Variants in SYNE1 observed in about 807,000 individuals in gnomAD.
SYNE1 encodes the protein spectrin repeat containing nuclear envelope protein 1.
In SYNE1, 616 loss-of-function variants were observed where a neutral mutation model predicts 1,111.0. The ratio of observed to expected loss-of-function variants is 0.55; its 90% CI spans 0.52 to 0.59. The LOEUF (loss-of-function observed/expected upper bound fraction) is 0.59, where lower values mean the gene tolerates loss of function less well. SYNE1 is among the 20% of genes least tolerant of loss of function. SYNE1 has a pLI of 0.00. For missense variants in SYNE1, 10,006 were observed against 10,417.0 expected, an observed-to-expected ratio of 0.96 and a Z score of 1.72; for synonymous variants, 3,855 against 3,825.8, an observed-to-expected ratio of 1.01 and a Z score of -0.28.
intron 145 of SYNE1, chr6:152,126,488 T>C (rs2053497169): frequency 1.3e-5 from 2 of 152,222 alleles, no homozygotes; most frequent in African/African-American, 4.8e-5. Context: ...ATTACATACA[T>C]GGATGCCAGT....
chr6:152,333,165 T>C (rs1266852683), intron 77 of SYNE1, among the ~76,000 whole-genome samples: 1 of 151,878 alleles, frequency 6.6e-6, no homozygotes, highest in African/African-American at 2.4e-5. Flanking sequence ...ATCAAAAGTA[T>C]GGAATGGTTT....
At chr6:152,632,677 A>G (rs755398682) in intron 2 of SYNE1, among the ~76,000 whole-genome samples, 2 of 152,170 alleles carry the variant, frequency 1.3e-5, no homozygotes, top group Non-Finnish European at 1.5e-5. Context: ...TCTATCTCTT[A>G]CTGTGCACGC....
At chr6:152,561,506 TG>T (rs1444106788) in intron 3 of SYNE1, among the ~76,000 whole-genome samples, 1 of 152,078 alleles carries the variant, frequency 6.6e-6, no homozygotes, top group Non-Finnish European at 1.5e-5. Flanking sequence ...TTACCTTAAA[TG>T]ATCTACAGAT....
intron 12 of SYNE1, among the ~76,000 whole-genome samples, chr6:152,485,325 G>A (rs962540991): frequency 6.6e-6 from 1 of 152,170 alleles, no homozygotes; most frequent in African/African-American, 2.4e-5. Flanking sequence ...ACCAGTATAT[G>A]TTTGTCAGGA....
chr6:152,438,316 C>T (rs1204475253), intron 32 of SYNE1, among the ~76,000 whole-genome samples: 1 of 151,882 alleles, frequency 6.6e-6, no homozygotes, highest in Admixed American at 6.6e-5. Context: ...TTTCTCAGAA[C>T]CCAGGAAAAA....
intron 16 of SYNE1, 40 bp from the exon 17 acceptor site, chr6:152,466,118 G>A: frequency 7.4e-7 from 1 of 1,342,930 alleles, no homozygotes; most frequent in Non-Finnish European, 1.1e-6. Flanking sequence ...CAAACATTAG[G>A]CTCATGTAGA....
chr6:152,240,110 G>A (rs963422163), intron 107 of SYNE1, among the ~76,000 whole-genome samples: 3 of 152,118 alleles, frequency 2.0e-5, no homozygotes, highest in African/African-American at 4.8e-5. Flanking sequence ...AGTGAGGAGT[G>A]CGCGAGGAGT....
At chr6:152,494,067 C>G (rs1462167502) in intron 11 of SYNE1, among the ~76,000 whole-genome samples, 1 of 152,180 alleles carries the variant, frequency 6.6e-6, no homozygotes, top group Non-Finnish European at 1.5e-5. Context: ...ACTCTGTAGC[C>G]TTTCTATCCG....
At chr6:152,144,583 T>C (rs982245668) in intron 137 of SYNE1, 7 of 152,174 alleles carry the variant, frequency 4.6e-5, no homozygotes, top group African/African-American at 1.7e-4. Context: ...CAAATATTAG[T>C]AAGCTTTATT....
intron 115 of SYNE1, among the ~76,000 whole-genome samples, chr6:152,227,454 T>C (rs2081855248): frequency 6.6e-6 from 1 of 152,206 alleles, no homozygotes; most frequent in Non-Finnish European, 1.5e-5. Context: ...AAAGTGATCA[T>C]TTTTGTTTTT....
intron 117 of SYNE1, among the ~76,000 whole-genome samples, chr6:152,223,526 G>C (rs2080721998): frequency 6.6e-6 from 1 of 152,098 alleles, no homozygotes; most frequent in Admixed American, 6.5e-5. Context: ...GGCTGAGGCA[G>C]AGAATTGCTT....
In SYNE1 at chr6:152,232,263, G is replaced by C; in HGVS notation, c.20715C>G (p.Leu6905=). Residue 6905 remains leucine (L), a splice_region_variant and synonymous_variant, in exon 113 of 146, where the codon CTC becomes CTG. Transcript: ENST00000367255. ...GGCGGGAAGGCAGTTTATCCATCTG[G>C]AGCTGTCCAAGTCAGGGAGAGAACC... ...IPAVQEKLHQ[L]QMDKLPSRHA... The C allele has an allele frequency of 6.2e-7, 1 of 1,613,850 alleles. No homozygotes were observed. Among genetic ancestry groups the C allele is most frequent in the Non-Finnish European group, 8.5e-7 (1 of 1,179,902 alleles).
At chr6:152,623,180 C>G (rs1036425844) in intron 3 of SYNE1, among the ~76,000 whole-genome samples, 11 of 152,002 alleles carry the variant, frequency 7.2e-5, no homozygotes, top group Non-Finnish European at 1.5e-5. Flanking sequence ...GAACAGAGAA[C>G]CCAGAAATAA....
intron 72 of SYNE1, among the ~76,000 whole-genome samples, chr6:152,347,741 C>T (rs915276682): frequency 1.4e-5 from 2 of 147,898 alleles, no homozygotes; most frequent in Admixed American, 6.8e-5. Flanking sequence ...AGTGCAGTGG[C>T]GCAATTTCAG....
At chr6:152,601,615 G>A (rs1465101507) in intron 3 of SYNE1, among the ~76,000 whole-genome samples, 2 of 152,176 alleles carry the variant, frequency 1.3e-5, no homozygotes, top group African/African-American at 4.8e-5. Flanking sequence ...ATGAAGTTCA[G>A]GCCATAGGCA....
Position 152,511,613 on chromosome 6 carries a change from G to T in SYNE1, c.310-510C>A, listed in dbSNP as rs1360195362. On this transcript the variant is annotated intron_variant, in intron 6 of 145. Coordinates refer to ENST00000367255, the MANE Select transcript of SYNE1 (RefSeq NM_182961.4). ...TGGACTGACATGAAAAACAAAGGGA[G>T]AAGATAATAGATATACATAAATCAT... is the stretch of plus-strand genomic sequence containing the variant. 1.9e-6 allele frequency: 3 copies of T among 1,608,296 alleles called. No homozygotes were observed. In the South Asian group the frequency reaches 3.3e-5, roughly 18 times the overall value.
chr6:152,144,499 T>TA, intron 137 of SYNE1: 1 of 153,532 alleles, frequency 6.5e-6, no homozygotes, highest in Non-Finnish European at 1.4e-5. Context: ...TGTGTGTGTG[T>TA]GTGTGTGTCA....
intron 93 of SYNE1, among the ~76,000 whole-genome samples, chr6:152,298,869 C>A (rs181685579): frequency 3.9e-5 from 6 of 152,260 alleles, no homozygotes; most frequent in African/African-American, 1.4e-4. Flanking sequence ...TTTAACAGCT[C>A]CCTCAGAGTA....
chr6:152,369,284 T>C (rs570344557), intron 60 of SYNE1, 157 bp from the exon 61 acceptor site: 5 of 1,352,590 alleles, frequency 3.7e-6, no homozygotes, highest in East Asian at 2.5e-5. Flanking sequence ...GCACAAATCA[T>C]GGAAGGAAAC....
Sources: allele counts gnomAD v4.1 joint callset (sites outside exome capture counted in the v4.1 genomes callset), GRCh38; gene constraint gnomAD v4.1.1; transcripts MANE v1.5; gene names NCBI Gene and HGNC (gene_info 2026-07-23, HGNC 2026-07-21).